Variants in FAM32A observed in about 807,000 individuals in gnomAD.
FAM32A encodes the protein protein FAM32A.
In FAM32A, 9 loss-of-function variants were observed where a neutral mutation model predicts 15.8. That is an observed-to-expected ratio of 0.57 (90% confidence interval 0.34 to 1.00). The LOEUF (loss-of-function observed/expected upper bound fraction) is 1.00, where lower values mean the gene tolerates loss of function less well. Ranked by LOEUF, FAM32A falls within the 50% of genes least tolerant of loss-of-function variation. The pLI is 0.02. For synonymous variants in FAM32A, 64 were observed against 54.9 expected (o/e 1.16, Z -0.73); for missense variants, 113 against 138.3 (o/e 0.82, Z 0.92).
chr19:16,185,469 G>C lies in FAM32A; in HGVS notation c.27G>C (p.Lys9Asn), dbSNP rs537517016. The change falls in exon 1 of 4, where the codon AAG (lysine) becomes AAC (asparagine). Residue 9 changes from lysine to asparagine, a missense_variant. By Grantham distance (94) the Lys-to-Asn change is moderately conservative. This residue lies in a region of FAM32A where 112 missense variants were observed against 118.6 expected (regional missense o/e 0.94). Transcript: ENST00000263384. Reference protein sequence around the residue: MEAYEQVQKGPLKLKGVAE... With the variant: MEAYEQVQNGPLKLKGVAE... Reference sequence around the variant, plus strand: ...TGGAGGCCTACGAGCAGGTCCAAAAGGGACCCCTGAAGCTGAAAGGCGTCG... The same window carrying C: ...TGGAGGCCTACGAGCAGGTCCAAAACGGACCCCTGAAGCTGAAAGGCGTCG... The C allele has an allele frequency of 9.0e-6, 14 of 1,562,232 alleles. No homozygotes were observed. The highest frequency in any genetic ancestry group is 5.9e-5 in the South Asian group (5 of 84,770).
intron 3 of FAM32A, 81 bp from the exon 4 acceptor site, chr19:16,190,806 G>C: frequency 8.6e-7 from 1 of 1,167,320 alleles, no homozygotes; most frequent in South Asian, 1.2e-5. Context: ...ATGTGGGAGA[G>C]GTGGGGCTGG....
intron 2 of FAM32A, among the ~76,000 whole-genome samples, chr19:16,186,021 G>C (rs2091384629): frequency 2.0e-5 from 3 of 152,210 alleles, no homozygotes. Flanking sequence ...GCCAGAGCTG[G>C]AGACCCGGGT....
At chr19:16,190,837 T>A (rs1239548162) in intron 3 of FAM32A, 50 bp from the exon 4 acceptor site, 5 of 1,485,422 alleles carry the variant, frequency 3.4e-6, no homozygotes, top group Non-Finnish European at 4.7e-6. Context: ...TTCTCCCCAG[T>A]ACCCCACTTG....
In FAM32A at chr19:16,185,756, G is replaced by A. The variant is rs904038544; in HGVS notation, c.207G>A (p.Gln69=). 17 of 1,550,958 alleles carry A rather than the reference G, an allele frequency of 1.1e-5. No homozygotes were observed. The highest frequency in any genetic ancestry group is 1.4e-5 in the Non-Finnish European group (16 of 1,146,886). The change falls in exon 2 of 4, where the codon CAG becomes CAA. Residue 69 remains glutamine (Q), a synonymous_variant. Coordinates refer to ENST00000263384, the MANE Select transcript of FAM32A (RefSeq NM_014077.4). ...TPAQAAFEKM[Q]EKRQMERILK... ...CCCAGGCGGCCTTCGAGAAAATGCA[G>A]GAGAAGCGGGTGAGCAGAAGCAGAA... is the stretch of plus-strand genomic sequence containing the variant.
chr19:16,185,697 G>T lies in FAM32A; in HGVS notation c.148G>T (p.Glu50Ter). 1 of 1,569,460 alleles carries T rather than the reference G, an allele frequency of 6.4e-7. No homozygotes were observed. The highest frequency in any genetic ancestry group is 2.3e-5 in the East Asian group (1 of 43,244). Residue 50 changes from glutamate to a stop codon, truncating the protein, a stop_gained, in exon 2 of 4, where the codon GAG becomes TAG. Transcript: ENST00000263384. LOFTEE classifies it high-confidence loss of function. The part of the protein sequence containing the change: ...AMGTSKKNEE[E>*]KRRGLDKRTP... ...GGGAACGAGCAAAAAGAACGAGGAG[G>T]AGAAGCGGCGCGGCCTGGACAAGCG...
chr19:16,186,051 C>T (rs989151441), intron 2 of FAM32A, among the ~76,000 whole-genome samples: 1 of 152,154 alleles, frequency 6.6e-6, no homozygotes, highest in Non-Finnish European at 1.5e-5. Context: ...AGTGCTGTGG[C>T]TTATTTGCCC....
intron 1 of FAM32A, 37 bp downstream of exon 1, chr19:16,185,553 C>T (rs1475224822): frequency 6.3e-7 from 1 of 1,574,950 alleles, no homozygotes; most frequent in Non-Finnish European, 8.6e-7. Context: ...CGTCTTCATC[C>T]CCCTTAGACC....
rs934846062 is a variant in FAM32A at position 16,191,227 on chromosome 19, A to G, written c.*272A>G. 1.3e-5 allele frequency: 6 copies of G among 445,018 alleles called. No homozygotes were observed. The highest frequency in any genetic ancestry group is 1.0e-4 in the African/African-American group (5 of 49,752). 27.6% of individuals were successfully genotyped at this position (445,018 alleles called of 1,614,324 possible). On this transcript the variant is annotated 3_prime_UTR_variant, in exon 4 of 4. Transcript: ENST00000263384. ...CTAAGTTTATCCAGAGGTAAAGCCC[A>G]TTGTGTGTCTGTGTCATGTAAAAAT...
chr19:16,188,472 C>T (rs897040854), intron 2 of FAM32A, among the ~76,000 whole-genome samples: 7 of 152,142 alleles, frequency 4.6e-5, no homozygotes, highest in African/African-American at 1.7e-4. Flanking sequence ...TGGAGTCAGC[C>T]AGGCACAGTG....
At chr19:16,185,807 G>A (rs749360388) in intron 2 of FAM32A, 42 bp downstream of exon 2, 211 of 1,537,544 alleles carry the variant, frequency 1.4e-4, no homozygotes, top group Non-Finnish European at 1.5e-4. Flanking sequence ...GGAACACCCG[G>A]CGCCGGGAGA....
At chr19:16,187,001 C>G (rs578227506) in intron 2 of FAM32A, among the ~76,000 whole-genome samples, 9 of 152,210 alleles carry the variant, frequency 5.9e-5, no homozygotes, top group African/African-American at 1.9e-4. Flanking sequence ...TGATTCTGTA[C>G]GGTGACACTG....
Position 16,191,549 on chromosome 19 carries a change from G to A in FAM32A, c.*594G>A, listed in dbSNP as rs1044508000. The stretch of plus-strand genomic sequence containing the variant: ...CAGCCACCTAAGGCAAGAATGGAAC[G>A]GACACACCTTGCTCCTTTCTGAGCC... On this transcript the variant is annotated 3_prime_UTR_variant, in exon 4 of 4. Transcript: ENST00000263384. 1 of 154,338 alleles carries A rather than the reference G, an allele frequency of 6.5e-6. No individual in the cohort carries two copies. The highest frequency in any genetic ancestry group is 1.9e-4 in the East Asian group (1 of 5,212). The allele number at this position is 154,338 out of a possible 1,614,324, so 9.6% of individuals were successfully genotyped here.
intron 3 of FAM32A, 70 bp from the exon 4 acceptor site, chr19:16,190,817 G>C: frequency 7.8e-7 from 1 of 1,274,504 alleles, no homozygotes; most frequent in East Asian, 2.3e-5. Flanking sequence ...GTGGGGCTGG[G>C]CAGTGCCACT....
chr19:16,190,670 C>T (rs2091402482), intron 3 of FAM32A, 97 bp downstream of exon 3: 7 of 1,027,010 alleles, frequency 6.8e-6, no homozygotes, highest in South Asian at 6.6e-5. Context: ...GGCATGTTGA[C>T]GAGAAGGGAA....
At chr19:16,187,867 TC>T (rs1447706767) in intron 2 of FAM32A, among the ~76,000 whole-genome samples, 3 of 152,018 alleles carry the variant, frequency 2.0e-5, no homozygotes, top group Non-Finnish European at 2.9e-5. Flanking sequence ...TGCCTTAGCC[TC>T]CTGAGTAGCT....
intron 2 of FAM32A, 120 bp downstream of exon 2, chr19:16,185,885 G>A (rs1367569863): frequency 1.1e-5 from 13 of 1,140,260 alleles, no homozygotes; most frequent in African/African-American, 1.6e-5. Context: ...CCTTAATTAC[G>A]GGGAGAGGAT....
At chr19:16,188,489 G>A (rs1475108580) in intron 2 of FAM32A, among the ~76,000 whole-genome samples, 1 of 152,220 alleles carries the variant, frequency 6.6e-6, no homozygotes, top group Non-Finnish European at 1.5e-5. Context: ...AGTGGCTCAT[G>A]CCTGTAATCC....
chr19:16,185,955 C>T (rs1015572341), intron 2 of FAM32A, among the ~76,000 whole-genome samples, 190 bp downstream of exon 2: 2 of 152,126 alleles, frequency 1.3e-5, no homozygotes, highest in African/African-American at 2.4e-5. Context: ...GATGAGAAGA[C>T]CCCGCTGGCC....
chr19:16,190,775 A>G (rs565395709), intron 3 of FAM32A, 112 bp from the exon 4 acceptor site: 211 of 979,794 alleles, frequency 2.2e-4, no homozygotes, highest in Non-Finnish European at 3.2e-4. Flanking sequence ...GTTTGAGAGG[A>G]GGGGGCTCAG....
Sources: gnomAD v4.1 joint callset for allele counts (sites outside exome capture counted in the v4.1 genomes callset) on GRCh38, gnomAD v4.1.1 for gene constraint, gnomAD v4.1.1 regional missense constraint, MANE v1.5 for transcripts, NCBI Gene and HGNC (gene_info 2026-07-23, HGNC 2026-07-21) for gene names.